Variants in DMD observed in about 807,000 individuals in gnomAD.
DMD encodes the protein mutant dystrophin.
DMD carries 63 observed loss-of-function variants against 330.1 expected under a neutral mutation model. That is an observed-to-expected ratio of 0.19 (90% CI 0.16 to 0.24). DMD has a LOEUF of 0.24. Among genes scored for constraint, DMD ranks in the 10% least tolerant of loss-of-function variants. The pLI is 1.00. For missense variants in DMD, 3,344 were observed against 2,684.1 expected (o/e 1.25, Z -5.43); for synonymous variants, 1,223 against 959.8 (o/e 1.27, Z -5.07).
chrX:31,832,010 C>A (rs1366946798), intron 49 of DMD, among the ~76,000 whole-genome samples: 3 of 112,629 alleles, frequency 2.7e-5, no homozygotes, highest in African/African-American at 9.7e-5. Flanking sequence ...CCAACTTATT[C>A]TGGTGTTATT....
intron 17 of DMD, among the ~76,000 whole-genome samples, chrX:32,519,599 A>G (rs765388160): frequency 1.3e-4 from 15 of 112,002 alleles, no homozygotes; most frequent in African/African-American, 4.5e-4. Context: ...CATGATTTCA[A>G]TAAATATTTT....
intron 42 of DMD, among the ~76,000 whole-genome samples, chrX:32,304,154 T>C (rs1355197717): frequency 9.0e-6 from 1 of 111,416 alleles, no homozygotes; most frequent in Admixed American, 9.6e-5. Flanking sequence ...AACGACATTA[T>C]AACTGGTCGA....
intron 52 of DMD, among the ~76,000 whole-genome samples, chrX:31,700,329 T>C (rs1055734345): frequency 5.3e-5 from 6 of 112,301 alleles, no homozygotes; most frequent in African/African-American, 1.3e-4. Context: ...ACAGAACTTA[T>C]ACGAGTGGAA....
At chrX:31,197,779 T>A (rs1440307117) in intron 67 of DMD, among the ~76,000 whole-genome samples, 1 of 111,413 alleles carries the variant, frequency 9.0e-6, no homozygotes, top group African/African-American at 3.3e-5. Flanking sequence ...CAAAAAGATA[T>A]CTGCACTCCC....
chrX:32,267,816 C>T (rs2097350398), intron 43 of DMD, among the ~76,000 whole-genome samples: 1 of 111,796 alleles, frequency 8.9e-6, no homozygotes, highest in Non-Finnish European at 1.9e-5. Flanking sequence ...TGCACGTGAC[C>T]TTTAATTTCC....
At position 31,901,549 on chromosome X, in the gene DMD, T is replaced by C. The variant is rs777508551; in HGVS notation, c.6913-26176A>G. 6.3e-5 allele frequency among the ~76,000 whole-genome samples: 7 copies of C among 111,518 alleles called. No individual in the cohort carries two copies. In the South Asian group the frequency reaches 2.6e-3, roughly 42 times the overall value. ...TTGCAATCTCAACTTTCCACATAAT[T>C]ACTTTCCAAGCTATACTACGAGGCA... On this transcript the variant is annotated intron_variant, in intron 47 of 78. Coordinates refer to ENST00000357033, the MANE Select transcript of DMD (RefSeq NM_004006.3).
At chrX:31,825,292 A>G (rs2092868406) in intron 49 of DMD, among the ~76,000 whole-genome samples, 1 of 112,088 alleles carries the variant, frequency 8.9e-6, no homozygotes, top group Non-Finnish European at 1.9e-5. Context: ...GTCATTTATC[A>G]ATGAAATGAC....
intron 61 of DMD, among the ~76,000 whole-genome samples, chrX:31,328,841 A>G (rs2056939181): frequency 8.9e-6 from 1 of 112,391 alleles, no homozygotes; most frequent in Non-Finnish European, 1.9e-5. Context: ...TGTGGAACCA[A>G]TTCTTTCTCT....
rs943777085 is a variant in DMD at position 31,992,361 on chromosome X, A to AGAT, written c.6439-23850_6439-23848dup. 7.0e-4 allele frequency among the ~76,000 whole-genome samples: 78 copies of AGAT among 111,574 alleles called. 1 individual carries two copies. Among genetic ancestry groups the AGAT allele is most frequent in the African/African-American group, 2.3e-3 (72 of 30,757 alleles). On this transcript the variant is annotated intron_variant, in intron 44 of 78. Coordinates refer to ENST00000357033, the MANE Select transcript of DMD (RefSeq NM_004006.3). ...GAAGCAAGAAATCAGAGTTGTGAAG[A>AGAT]GATATGTTAAAATTAGGGCATTGCC...
intron 1 of DMD, among the ~76,000 whole-genome samples, chrX:33,157,282 T>C (rs1251958509): frequency 3.6e-5 from 4 of 111,419 alleles, no homozygotes; most frequent in Admixed American, 9.6e-5. Flanking sequence ...CTTGCCATTC[T>C]TTGGCTTATA....
chrX:33,077,593 G>A (rs2094864416), intron 1 of DMD, among the ~76,000 whole-genome samples: 2 of 111,746 alleles, frequency 1.8e-5, no homozygotes, highest in Admixed American at 9.5e-5. Flanking sequence ...GTGGATTCAT[G>A]CAGGCCTAAT....
At chrX:31,904,147 T>C (rs1220367726) in intron 47 of DMD, among the ~76,000 whole-genome samples, 3 of 111,636 alleles carry the variant, frequency 2.7e-5, no homozygotes, top group African/African-American at 9.7e-5. Context: ...TATGACAACA[T>C]AGCTGTCCCC....
chrX:32,932,643 A>T (rs754715091), intron 2 of DMD, among the ~76,000 whole-genome samples: 9 of 111,926 alleles, frequency 8.0e-5, no homozygotes, highest in African/African-American at 2.9e-4. Flanking sequence ...AATTGGTATG[A>T]CTAGAAGAGA....
chrX:32,498,272 T>C (rs1291970314), intron 19 of DMD, among the ~76,000 whole-genome samples: 1 of 111,567 alleles, frequency 9.0e-6, no homozygotes, highest in Non-Finnish European at 1.9e-5. Flanking sequence ...TCCAATATTC[T>C]GTCACATTTA....
intron 1 of DMD, among the ~76,000 whole-genome samples, chrX:33,287,450 T>C: frequency 9.0e-6 from 1 of 110,780 alleles, no homozygotes; most frequent in Admixed American, 9.7e-5. Flanking sequence ...TCATGCCTGG[T>C]TGAGAACCAC....
At chrX:31,862,442 T>A (rs1016632158) in intron 48 of DMD, among the ~76,000 whole-genome samples, 2 of 111,488 alleles carry the variant, frequency 1.8e-5, no homozygotes, top group East Asian at 5.6e-4. Context: ...ATTTATATTA[T>A]CTTTAAAGTC....
intron 44 of DMD, among the ~76,000 whole-genome samples, chrX:31,989,715 A>G (rs1196064063): frequency 1.8e-5 from 2 of 111,952 alleles, no homozygotes; most frequent in Admixed American, 9.5e-5. Context: ...TGAAGAGCCT[A>G]TTTTATTCCT....
At chrX:32,866,772 C>T (rs1267429765) in intron 2 of DMD, among the ~76,000 whole-genome samples, 14 of 102,192 alleles carry the variant, frequency 1.4e-4, no homozygotes, top group Non-Finnish European at 2.8e-4. Context: ...TTCACTCTTT[C>T]GCCCAGCCTG....
chrX:32,578,151 A>AT (rs1037167653), intron 13 of DMD, among the ~76,000 whole-genome samples: 14 of 111,286 alleles, frequency 1.3e-4, no homozygotes, highest in Admixed American at 1.2e-3. Flanking sequence ...TAATACATAT[A>AT]TTTTTTAAAG....
Sources: allele counts gnomAD v4.1 joint callset (sites outside exome capture counted in the v4.1 genomes callset), GRCh38; gene constraint gnomAD v4.1.1; transcripts MANE v1.5; gene names NCBI Gene and HGNC (gene_info 2026-07-23, HGNC 2026-07-21).